The following MYO1G variants were observed in gnomAD, a reference collection of about 807,000 sequenced individuals.
The protein encoded by MYO1G is unconventional myosin-Ig.
MYO1G carries 65 observed loss-of-function variants against 115.3 expected under a neutral mutation model. The observed-to-expected ratio is 0.56, with a 90% CI of 0.46 to 0.69. The LOEUF (loss-of-function observed/expected upper bound fraction) is 0.69. Among genes scored for constraint, MYO1G ranks in the 30% least tolerant of loss-of-function variants. The pLI is 0.00. For synonymous variants in MYO1G, 510 were observed against 552.6 expected (o/e 0.92, Z 1.08); for missense variants, 1,204 against 1,393.5 (o/e 0.86, Z 2.16).
chr7:44,975,387 C>T, intron 4 of MYO1G, 97 bp downstream of exon 4: 2 of 1,535,618 alleles, frequency 1.3e-6, no homozygotes, highest in Non-Finnish European at 1.8e-6. Context: ...ACAGCCCAGC[C>T]CTCCTAAGCT....
rs751672047 is a variant in MYO1G, at chr7:44,978,858, T to C, written c.95+9A>G. ...GGAGGGGAGCCACTGCCTCCTGCCCTGGGCCTACCTGAGCTGCAGGTTCCT... is the reference window on the plus strand; with the variant it reads ...GGAGGGGAGCCACTGCCTCCTGCCCCGGGCCTACCTGAGCTGCAGGTTCCT... On this transcript the variant is annotated intron_variant, in intron 1 of 21. Coordinates refer to ENST00000258787, the MANE Select transcript of MYO1G (RefSeq NM_033054.3). 1 of 1,613,496 alleles carries C rather than the reference T, an allele frequency of 6.2e-7. No homozygotes were observed. Among genetic ancestry groups the C allele is most frequent in the Non-Finnish European group, 8.5e-7 (1 of 1,179,420 alleles).
At position 44,969,136 on chromosome 7, in the gene MYO1G, T is replaced by G; in HGVS notation, c.1574+277A>C. 3.6e-6 allele frequency: 1 copy of G among 278,758 alleles called. No individual in the cohort carries two copies. Among genetic ancestry groups the G allele is most frequent in the Non-Finnish European group, 7.0e-6 (1 of 142,898 alleles). The allele number at this position is 278,758 out of a possible 1,614,324, so 17.3% of individuals were successfully genotyped here. A position where few individuals can be genotyped will look rare whatever the true frequency, so the allele number is the denominator to read the frequency against. ...AGCCTGAAGCCCCCCACCCCACAGA[T>G]GCTGGTATAGGGTTGGGCCCAGACA... On this transcript the variant is annotated intron_variant, in intron 12 of 21. Transcript: ENST00000258787. This position sits in a 1 kb window ranked among gnomAD's most constrained non-coding sequence, Gnocchi z 5.0.
rs1380125828 is a variant in MYO1G at position 44,976,918 on chromosome 7, G to A, written c.249C>T (p.Asn83=). 1.6e-5 allele frequency: 26 copies of A among 1,613,442 alleles called. No homozygotes were observed. Among genetic ancestry groups the A allele is most frequent in the East Asian group, 8.9e-5 (4 of 44,900 alleles). Residue 83 remains asparagine, a synonymous_variant, in exon 2 of 22, where the codon AAC becomes AAT. Transcript: ENST00000258787. ...GGTGCTTCATTGCCTTGTAGGCGGC[G>A]TTGGCCACAGCATAGAGATGGGGTG... ...ERPPHLYAVA[N]AAYKAMKHRS... is the part of the protein sequence containing the mutation.
rs367581527 is a variant in MYO1G, at chr7:44,969,806, G to C, written c.1402C>G (p.Leu468Val). 3.1e-6 allele frequency: 5 copies of C among 1,613,176 alleles called. No individual in the cohort carries two copies. In the African/African-American group the frequency reaches 6.7e-5, roughly 22 times the overall value. Reference protein sequence around the residue: ...ERPHRGILAVLDEACSSAGTI... With the variant: ...ERPHRGILAVVDEACSSAGTI... ...CCAGCAGAGCTGCAGGCCTCGTCCAGCACGGCCAGGATGCCACGGTGGGGC... is the reference window on the plus strand; with the variant it reads ...CCAGCAGAGCTGCAGGCCTCGTCCACCACGGCCAGGATGCCACGGTGGGGC... The change falls in exon 11 of 22, where the codon CTG becomes GTG. Residue 468 changes from leucine to valine, a missense_variant. By Grantham distance (32) the Leu-to-Val change is conservative (BLOSUM62 1). Transcript: ENST00000258787. This position sits in a 1 kb window ranked among gnomAD's most constrained non-coding sequence, Gnocchi z 5.0.
Position 44,970,161 on chromosome 7 carries a change from G to A in MYO1G, c.1218-7C>T, listed in dbSNP as rs765993609. ...GATGCAGAACTGCTCGAAACTGGGG[G>A]TGGGGTGGGCCTTTCAGAGGGGAGG... is the stretch of plus-strand genomic sequence containing the variant. On this transcript the variant is annotated splice_polypyrimidine_tract_variant and splice_region_variant and intron_variant, in intron 9 of 21. Coordinates refer to ENST00000258787, the MANE Select transcript of MYO1G (RefSeq NM_033054.3). 3.1e-6 allele frequency: 5 copies of A among 1,603,768 alleles called. No individual in the cohort carries two copies. The African/African-American group carries it at 4.0e-5, about 13-fold the overall frequency.
chr7:44,969,997 C>A lies in MYO1G; in HGVS notation c.1332+43G>T, dbSNP rs375690972. 1.7e-5 allele frequency: 27 copies of A among 1,604,122 alleles called. No individual in the cohort carries two copies. In the African/African-American group the frequency reaches 3.5e-4, roughly 21 times the overall value. ...CCCCTCCCCATGGGCTGAGGCCCCT[C>A]CACACCCCACTGCCTGGCCTCCCTC... On this transcript the variant is annotated intron_variant, in intron 10 of 21. Transcript: ENST00000258787. The surrounding 1 kb of genome is among the most constrained non-coding windows in gnomAD (Gnocchi z 5.0).
rs765191845 is a variant in MYO1G at position 44,967,878 on chromosome 7, G to A, written c.1649+6C>T. 1 of 1,613,882 alleles carries A rather than the reference G, an allele frequency of 6.2e-7. No individual in the cohort carries two copies. The highest frequency in any genetic ancestry group is 8.5e-7 in the Non-Finnish European group (1 of 1,179,992). On this transcript the variant is annotated splice_donor_region_variant and intron_variant, in intron 13 of 21. Transcript: ENST00000258787. ...CTCCCTATGGTGCCCAGCAAGCCGT[G>A]CTCACCTGTTGTACAGCAGCCGCTT...
At position 44,969,490 on chromosome 7, in the gene MYO1G, G is replaced by T; in HGVS notation, c.1504-7C>A. The T allele has an allele frequency of 6.2e-7, 1 of 1,613,776 alleles. No homozygotes were observed. The highest frequency in any genetic ancestry group is 8.5e-7 in the Non-Finnish European group (1 of 1,179,954). ...TCTTGTCTGTGGGGCAGAGCTATGG[G>T]GACAGGCTGAGGTCAAGGCACAAAA... On this transcript the variant is annotated splice_region_variant and splice_polypyrimidine_tract_variant and intron_variant, in intron 11 of 21. Coordinates refer to ENST00000258787, the MANE Select transcript of MYO1G (RefSeq NM_033054.3). This position sits in a 1 kb window ranked among gnomAD's most constrained non-coding sequence, Gnocchi z 5.0.
Position 44,965,809 on chromosome 7 carries a change from AG to A in MYO1G, c.2208del (p.Tyr737ThrfsTer65). ...CTCCGGAACCAGCGCATGATGGTGT[AG>A]ATAGCCCTCAGCCTCCGGCAGCGCC... ...ARWRCRRLRA[I>X]YTIMRWFRRH... On this transcript the variant is annotated frameshift_variant, in exon 17 of 22. Transcript: ENST00000258787. LOFTEE classifies it high-confidence loss of function. The A allele has an allele frequency of 6.2e-7, 1 of 1,603,370 alleles. No individual in the cohort carries two copies. The highest frequency in any genetic ancestry group is 8.5e-7 in the Non-Finnish European group (1 of 1,179,950).
At chr7:44,965,897 T>A (rs775005541) in intron 16 of MYO1G, 37 bp from the exon 17 acceptor site, 2 of 1,589,480 alleles carry the variant, frequency 1.3e-6, no homozygotes, top group South Asian at 1.1e-5. Flanking sequence ...CGCAGTCAAA[T>A]TCAATCAGGC....
At position 44,963,037 on chromosome 7, in the gene MYO1G, G is replaced by T. The variant is rs910515874; in HGVS notation, c.2833C>A (p.Arg945Ser). The T allele has an allele frequency of 1.6e-5, 25 of 1,530,434 alleles. No individual in the cohort carries two copies. The highest frequency in any genetic ancestry group is 2.1e-5 in the Non-Finnish European group (24 of 1,143,624). The allele number at this position is 1,530,434 out of a possible 1,614,324, so 94.8% of individuals were successfully genotyped here. ...GQDDLVVCLH[R>S]SRPPLDNRVG... ...CGGTTGTCCAATGGCGGCCGGGAGC[G>T]GTGCAGGCACACCACGAGGTCGTCC... The change falls in exon 21 of 22, where the codon CGC (arginine) becomes AGC (serine). Residue 945 changes from arginine (R) to serine (S), a missense_variant. Transcript: ENST00000258787. This position sits in a 1 kb window ranked among gnomAD's most constrained non-coding sequence, Gnocchi z 4.1.
chr7:44,976,729 C>T (rs1795056041), intron 2 of MYO1G, 72 bp from the exon 3 acceptor site: 3 of 1,597,304 alleles, frequency 1.9e-6, no homozygotes, highest in East Asian at 2.2e-5. Flanking sequence ...TGCCCACTCA[C>T]ACCCCCAAGA....
intron 1 of MYO1G, 58 bp downstream of exon 1, chr7:44,978,809 G>C: frequency 6.6e-7 from 1 of 1,519,784 alleles, no homozygotes; most frequent in Non-Finnish European, 9.1e-7. Flanking sequence ...GTCTCTGCGA[G>C]GACGCAAGGT....
rs1226915290 is a variant in MYO1G, at chr7:44,969,168, G to A, written c.1574+245C>T. 8 of 464,506 alleles carry A rather than the reference G, an allele frequency of 1.7e-5. No individual in the cohort carries two copies. The highest frequency in any genetic ancestry group is 1.3e-4 in the South Asian group (6 of 45,924). The allele number at this position is 464,506 out of a possible 1,614,324, so 28.8% of individuals were successfully genotyped here. A position where few individuals can be genotyped will look rare whatever the true frequency, so the allele number is the denominator to read the frequency against. ...ATAGGGTTGGGCCCAGACATGAGAC[G>A]TGGGTATTTTTTAAAGGCTCCCAGA... On this transcript the variant is annotated intron_variant, in intron 12 of 21. Transcript: ENST00000258787. The surrounding 1 kb of genome is among the most constrained non-coding windows in gnomAD (Gnocchi z 5.0).
At chr7:44,967,339 A>C (rs961407876) in intron 14 of MYO1G, among the ~76,000 whole-genome samples, 1 of 152,116 alleles carries the variant, frequency 6.6e-6, no homozygotes, top group African/African-American at 2.4e-5. Context: ...GGTCTCCCCA[A>C]ACCCCTCCCT....
Position 44,972,160 on chromosome 7 carries a change from G to T in MYO1G, c.684C>A (p.Tyr228Ter). 6.2e-7 allele frequency: 1 copy of T among 1,614,122 alleles called. No individual in the cohort carries two copies. Among genetic ancestry groups the T allele is most frequent in the Non-Finnish European group, 8.5e-7 (1 of 1,180,006 alleles). Residue 228 changes from tyrosine to a stop codon, truncating the protein, a stop_gained, in exon 6 of 22, where the codon TAC (tyrosine) becomes TAA (stop). Transcript: ENST00000258787. LOFTEE classifies it high-confidence loss of function. The stretch of plus-strand genomic sequence containing the variant: ...GTCCTGCTCCCTGGTGTGTGAAATT[G>T]TATACAGCAGGGTTTCTCTCCAAGT... The part of the protein sequence containing the change: ...ELHLERNPAV[Y>*]NFTHQGAGLN...
intron 3 of MYO1G, 90 bp downstream of exon 3, chr7:44,976,474 C>T (rs934509215): frequency 1.4e-5 from 17 of 1,237,392 alleles, no homozygotes; most frequent in South Asian, 4.9e-5. Flanking sequence ...CTCCAGTTGC[C>T]GTCTCTCACT....
intron 9 of MYO1G, 67 bp from the exon 10 acceptor site, chr7:44,970,221 G>C (rs1400405676): frequency 7.2e-6 from 8 of 1,109,118 alleles, no homozygotes; most frequent in Non-Finnish European, 1.1e-5. Context: ...ATGGGTGGCT[G>C]CTCCCCTGAA....
intron 1 of MYO1G, among the ~76,000 whole-genome samples, chr7:44,977,727 TG>T (rs2128703317): frequency 6.6e-6 from 1 of 152,300 alleles, no homozygotes; most frequent in Admixed American, 6.5e-5. Context: ...TTGACCTTTC[TG>T]CCCCTGGGAG....
Sources: allele counts gnomAD v4.1 joint callset (sites outside exome capture counted in the v4.1 genomes callset), GRCh38; gene constraint gnomAD v4.1.1; non-coding constraint Gnocchi (gnomAD v3.1); transcripts MANE v1.5; gene names NCBI Gene and HGNC (gene_info 2026-07-23, HGNC 2026-07-21).